Variants in EFCAB11 observed in about 807,000 individuals in gnomAD.
EFCAB11 encodes EF-hand calcium-binding domain-containing protein 11.
EFCAB11 carries 14 observed loss-of-function variants against 23.0 expected under a neutral mutation model. The observed-to-expected ratio is 0.61, with a 90% confidence interval of 0.40 to 0.95. The LOEUF (loss-of-function observed/expected upper bound fraction) is 0.95. Among genes scored for constraint, EFCAB11 ranks in the 40% least tolerant of loss-of-function variants. The pLI is 0.00. For missense variants in EFCAB11, 198 were observed against 195.8 expected (o/e 1.01, Z -0.07); for synonymous variants, 65 against 66.6 (o/e 0.98, Z 0.11).
At chr14:89,930,242 A>G (rs956397071) in intron 5 of EFCAB11, among the ~76,000 whole-genome samples, 2 of 152,234 alleles carry the variant, frequency 1.3e-5, no homozygotes, top group Non-Finnish European at 1.5e-5. Flanking sequence ...ACTGTTAATG[A>G]TAATGACTGC....
At chr14:89,909,244 T>C (rs1052786558) in intron 5 of EFCAB11, among the ~76,000 whole-genome samples, 1 of 152,222 alleles carries the variant, frequency 6.6e-6, no homozygotes, top group Non-Finnish European at 1.5e-5. Context: ...TGCCACATTT[T>C]AATCCATTCT....
At chr14:89,812,311 G>A (rs1256700740) in intron 5 of EFCAB11, among the ~76,000 whole-genome samples, 1 of 152,176 alleles carries the variant, frequency 6.6e-6, no homozygotes, top group Admixed American at 6.5e-5. Context: ...AAGGATATTT[G>A]AAAATGTGCA....
chr14:89,894,830 C>A (rs960123363), intron 5 of EFCAB11, among the ~76,000 whole-genome samples: 1 of 151,932 alleles, frequency 6.6e-6, no homozygotes, highest in Admixed American at 6.6e-5. Flanking sequence ...ATTGTTTCTA[C>A]AAGTAATTTA....
chr14:89,895,632 C>T (rs1889128538), intron 5 of EFCAB11, among the ~76,000 whole-genome samples: 1 of 152,054 alleles, frequency 6.6e-6, no homozygotes, highest in African/African-American at 2.4e-5. Flanking sequence ...TCACACACGC[C>T]CTATTCATAA....
chr14:89,826,211 A>G (rs912061014), intron 5 of EFCAB11, among the ~76,000 whole-genome samples: 1 of 152,140 alleles, frequency 6.6e-6, no homozygotes, highest in African/African-American at 2.4e-5. Context: ...GGCAAGTGCT[A>G]TGTAAGAAAT....
intron 5 of EFCAB11, among the ~76,000 whole-genome samples, chr14:89,907,790 G>C (rs1889544284): frequency 6.6e-6 from 1 of 152,164 alleles, no homozygotes; most frequent in East Asian, 1.9e-4. Context: ...TTTCCAATGT[G>C]GAGTCAGACT....
intron 5 of EFCAB11, among the ~76,000 whole-genome samples, chr14:89,810,881 G>A (rs1231543900): frequency 2.0e-5 from 3 of 152,016 alleles, no homozygotes; most frequent in African/African-American, 7.2e-5. Context: ...GAAAAGACAA[G>A]AGTCCCTTTG....
Position 89,953,921 on chromosome 14 carries a change from C to T in EFCAB11, c.156G>A (p.Gly52=), listed in dbSNP as rs763429498. ...DFKTAVVMLF[G]YKPSKIEVDS... ...AAAGCTCTACCTTGGAGGGCTTGTA[C>T]CCAAACAGCATTACAACAGCAGTTT... Residue 52 remains glycine, a synonymous_variant, in exon 2 of 6, where the codon GGG becomes GGA. Transcript: ENST00000316738. The T allele has an allele frequency of 7.4e-6, 12 of 1,613,382 alleles. No homozygotes were observed. The African/African-American group carries it at 1.2e-4, about 16-fold the overall frequency.
At chr14:89,841,425 C>G (rs950464955) in intron 5 of EFCAB11, among the ~76,000 whole-genome samples, 2 of 151,676 alleles carry the variant, frequency 1.3e-5, no homozygotes, top group African/African-American at 4.9e-5. Flanking sequence ...CTCCCCTCCC[C>G]CTCAACTACT....
chr14:89,886,836 A>G (rs1416817379), intron 5 of EFCAB11, among the ~76,000 whole-genome samples: 2 of 152,208 alleles, frequency 1.3e-5, no homozygotes, highest in Non-Finnish European at 2.9e-5. Context: ...TCTCAGAGAC[A>G]GCCCAAAGAG....
intron 2 of EFCAB11, among the ~76,000 whole-genome samples, chr14:89,951,447 C>T (rs1004298182): frequency 6.6e-6 from 1 of 152,156 alleles, no homozygotes; most frequent in Non-Finnish European, 1.5e-5. Flanking sequence ...TCCTTCTTTG[C>T]TCCCTTCACT....
intron 5 of EFCAB11, among the ~76,000 whole-genome samples, chr14:89,883,361 T>C (rs1888659386): frequency 6.6e-6 from 1 of 152,208 alleles, no homozygotes; most frequent in South Asian, 2.1e-4. Flanking sequence ...AATATATAAA[T>C]ATAGTCATCG....
At chr14:89,945,923 T>TAA (rs1890963454) in intron 3 of EFCAB11, among the ~76,000 whole-genome samples, 1 of 147,828 alleles carries the variant, frequency 6.8e-6, no homozygotes, top group African/African-American at 2.7e-5. Context: ...TTTTTTTTTT[T>TAA]TATTTTTTTT....
At chr14:89,808,658 T>G (rs1277901166) in intron 5 of EFCAB11, among the ~76,000 whole-genome samples, 1 of 152,196 alleles carries the variant, frequency 6.6e-6, no homozygotes, top group Non-Finnish European at 1.5e-5. Context: ...AACCTCTGGG[T>G]CTGTGGACAA....
intron 5 of EFCAB11, among the ~76,000 whole-genome samples, chr14:89,899,730 T>C (rs1194721883): frequency 1.3e-5 from 2 of 152,198 alleles, no homozygotes; most frequent in African/African-American, 4.8e-5. Context: ...GGAGACATGA[T>C]GAACTTTGTA....
chr14:89,837,009 G>T (rs75150035), intron 5 of EFCAB11: 16,348 of 455,522 alleles, frequency 0.036, 519 homozygotes, highest in South Asian at 0.095. Flanking sequence ...GCGACAGAGC[G>T]ATACACTTGC....
chr14:89,907,090 TC>T (rs1363334217), intron 5 of EFCAB11, among the ~76,000 whole-genome samples: 1 of 152,156 alleles, frequency 6.6e-6, no homozygotes, highest in African/African-American at 2.4e-5. Context: ...TACATCAGTT[TC>T]CCATGACAGA....
intron 5 of EFCAB11, among the ~76,000 whole-genome samples, chr14:89,812,063 T>C (rs1886166702): frequency 6.6e-6 from 1 of 152,188 alleles, no homozygotes; most frequent in Non-Finnish European, 1.5e-5. Context: ...TTGGTTCCAG[T>C]TCTAAATCTC....
At chr14:89,815,326 T>C (rs575952146) in intron 5 of EFCAB11, among the ~76,000 whole-genome samples, 1 of 152,284 alleles carries the variant, frequency 6.6e-6, no homozygotes, top group South Asian at 2.1e-4. Flanking sequence ...TAGTTAGGAT[T>C]TCCCCCCACG....
Sources: gnomAD v4.1 joint callset for allele counts (sites outside exome capture counted in the v4.1 genomes callset) on GRCh38, gnomAD v4.1.1 for gene constraint, MANE v1.5 for transcripts, NCBI Gene and HGNC (gene_info 2026-07-23, HGNC 2026-07-21) for gene names.